Variants in DNAH12 observed in about 807,000 individuals in gnomAD.
The protein encoded by DNAH12 is dynein axonemal heavy chain 12, also known as axonemal beta dynein heavy chain 12.
DNAH12 carries 285 observed loss-of-function variants against 371.5 expected under a neutral mutation model. The observed-to-expected ratio is 0.77, with a 90% CI of 0.70 to 0.85. The LOEUF is 0.85. DNAH12 is among the 40% of genes least tolerant of loss of function. The pLI is 0.00. For synonymous variants in DNAH12, 1,200 were observed against 1,213.0 expected (o/e 0.99, Z 0.22); for missense variants, 3,611 against 3,689.4 (o/e 0.98, Z 0.55).
In DNAH12 at chr3:57,542,832, C is replaced by T; in HGVS notation, c.39G>A (p.Lys13=). Reference sequence around the variant, plus strand: ...GGGGTAACTTCAAGTTCAGAGCTTCCTTTTCTGCTGCAATGGCAGCTTTGT... The same window carrying T: ...GGGGTAACTTCAAGTTCAGAGCTTCTTTTTCTGCTGCAATGGCAGCTTTGT... ...DANKAAIAAE[K]EALNLKLPPI... Residue 13 remains lysine (K), a synonymous_variant, in exon 2 of 74, where the codon AAG becomes AAA. Coordinates refer to ENST00000495027, the MANE Select transcript of DNAH12 (RefSeq NM_001366028.2). 6.2e-7 allele frequency: 1 copy of T among 1,602,508 alleles called. No homozygotes were observed. Among genetic ancestry groups the T allele is most frequent in the East Asian group, 2.2e-5 (1 of 44,762 alleles).
At chr3:57,385,144 C>A (rs1046052396) in intron 48 of DNAH12, 139 bp from the exon 49 acceptor site, 1 of 150,120 alleles carries the variant, frequency 6.7e-6, no homozygotes, top group Non-Finnish European at 1.5e-5. Flanking sequence ...TGAGGATATA[C>A]AAATACATGT....
rs1009637910 is a variant in DNAH12, at chr3:57,445,078, A to C, written c.4425+96T>G. 34 of 1,347,380 alleles carry C rather than the reference A, an allele frequency of 2.5e-5. No homozygotes were observed. In the African/African-American group the frequency reaches 4.6e-4, roughly 18 times the overall value. 83.5% of individuals were successfully genotyped at this position (1,347,380 alleles called of 1,614,324 possible). On this transcript the variant is annotated intron_variant, in intron 28 of 73. Transcript: ENST00000495027. ...ACCTCTTATGAAAAGACAAAGCTCA[A>C]CCCTCTCAAGTGCCTATTTGTAGTT...
chr3:57,314,630 G>C lies in DNAH12; in HGVS notation c.10526C>G (p.Ala3509Gly). 3 of 1,535,996 alleles carry C rather than the reference G, an allele frequency of 2.0e-6. No homozygotes were observed. Among genetic ancestry groups the C allele is most frequent in the Non-Finnish European group, 2.6e-6 (3 of 1,143,616 alleles). Residue 3509 changes from alanine (A) to glycine (G), a missense_variant and splice_region_variant, in exon 66 of 74, where the codon GCC (alanine) becomes GGC (glycine). Ala to Gly is a moderately conservative substitution (Grantham distance 60). Coordinates refer to ENST00000495027, the MANE Select transcript of DNAH12 (RefSeq NM_001366028.2). Reference protein sequence around the residue: ...FFKGCRGKELAWEKLLFGVCF... With the variant: ...FFKGCRGKELGWEKLLFGVCF... ...AACTCCAAACAGTAACTTCTCCCAG[G>C]CCTTTAATATAAAAAGTACATAACA... is the stretch of plus-strand genomic sequence containing the variant.
At chr3:57,472,416 C>T in intron 14 of DNAH12, 130 bp downstream of exon 14, 1 of 1,158,022 alleles carries the variant, frequency 8.6e-7, no homozygotes, top group Non-Finnish European at 1.2e-6. Context: ...ATAAGTGTGG[C>T]CAGTCTCAAA....
chr3:57,384,267 C>G (rs1170459257), intron 49 of DNAH12, among the ~76,000 whole-genome samples: 1 of 152,134 alleles, frequency 6.6e-6, no homozygotes, highest in Non-Finnish European at 1.5e-5. Flanking sequence ...ATGTACAGAA[C>G]CACTTTGGCC....
chr3:57,513,223 T>C (rs529165322), intron 4 of DNAH12, among the ~76,000 whole-genome samples: 4 of 151,488 alleles, frequency 2.6e-5, no homozygotes, highest in South Asian at 4.2e-4. Flanking sequence ...TGCAGGGACA[T>C]AGATGAAGCT....
At chr3:57,370,610 G>A (rs993541480) in intron 55 of DNAH12, among the ~76,000 whole-genome samples, 18 of 152,154 alleles carry the variant, frequency 1.2e-4, no homozygotes, top group African/African-American at 4.3e-4. Flanking sequence ...AGCATGACTG[G>A]CTAAAAATCC....
intron 43 of DNAH12, among the ~76,000 whole-genome samples, 193 bp downstream of exon 43, chr3:57,403,116 T>C (rs977021605): frequency 2.0e-5 from 3 of 152,124 alleles, no homozygotes; most frequent in African/African-American, 2.4e-5. Context: ...TGAGATCATG[T>C]AGGTAAAAGC....
chr3:57,468,214 C>A (rs993024353), intron 17 of DNAH12, among the ~76,000 whole-genome samples: 2 of 152,090 alleles, frequency 1.3e-5, no homozygotes, highest in Non-Finnish European at 2.9e-5. Context: ...GACAGAGACC[C>A]AATTCATTAG....
At chr3:57,508,619 A>G in intron 6 of DNAH12, 79 bp from the exon 7 acceptor site, 1 of 1,484,062 alleles carries the variant, frequency 6.7e-7, no homozygotes, top group Non-Finnish European at 9.0e-7. Flanking sequence ...TATAACATGA[A>G]ATTAGTATTG....
intron 24 of DNAH12, 42 bp from the exon 25 acceptor site, chr3:57,453,057 G>A (rs748716662): frequency 3.0e-5 from 45 of 1,494,396 alleles, no homozygotes; most frequent in South Asian, 6.8e-5. Context: ...ATCCTTAAAT[G>A]GAAATAATTT....
chr3:57,341,533 T>C (rs1408455727), intron 60 of DNAH12, among the ~76,000 whole-genome samples: 1 of 151,964 alleles, frequency 6.6e-6, no homozygotes, highest in Non-Finnish European at 1.5e-5. Context: ...GGAATAAATT[T>C]AACCAAGGAG....
At chr3:57,334,673 C>G (rs2062182526) in intron 61 of DNAH12, 64 bp from the exon 62 acceptor site, 2 of 1,510,628 alleles carry the variant, frequency 1.3e-6, no homozygotes, top group African/African-American at 1.4e-5. Flanking sequence ...GATTGTTGAA[C>G]AAGGAGTAGA....
At chr3:57,432,168 C>CTT (rs61049709) in intron 32 of DNAH12, among the ~76,000 whole-genome samples, 62,521 of 131,044 alleles carry the variant, frequency 0.48, 15,544 homozygotes, top group South Asian at 0.57. Context: ...TTCAGTATAT[C>CTT]TTTTTTTTTT....
chr3:57,348,743 T>C (rs2062603757), intron 60 of DNAH12, among the ~76,000 whole-genome samples: 1 of 152,236 alleles, frequency 6.6e-6, no homozygotes, highest in African/African-American at 2.4e-5. Context: ...AGTGACATAC[T>C]ATGTTCTTAG....
At chr3:57,487,621 C>T (rs1256127998) in intron 12 of DNAH12, among the ~76,000 whole-genome samples, 1 of 152,062 alleles carries the variant, frequency 6.6e-6, no homozygotes, top group East Asian at 1.9e-4. Flanking sequence ...AATTGCTCTT[C>T]AGTGACCTTG....
chr3:57,516,092 C>A (rs2068184851), intron 4 of DNAH12, among the ~76,000 whole-genome samples: 2 of 108,536 alleles, frequency 1.8e-5, no homozygotes, highest in South Asian at 6.7e-4. Flanking sequence ...CAGATGGAGT[C>A]TCCCTCCGTC....
At chr3:57,495,982 T>TA (rs1559720493) in intron 11 of DNAH12, among the ~76,000 whole-genome samples, 1 of 142,542 alleles carries the variant, frequency 7.0e-6, no homozygotes, top group Non-Finnish European at 1.5e-5. Context: ...ATCCCTGATT[T>TA]TATATATATT....
chr3:57,340,790 T>G (rs1388374843), intron 60 of DNAH12, among the ~76,000 whole-genome samples: 3 of 152,194 alleles, frequency 2.0e-5, no homozygotes, highest in Non-Finnish European at 4.4e-5. Flanking sequence ...GAGGGAATTC[T>G]TCCAAACCCA....
Sources: gnomAD v4.1 joint callset for allele counts (sites outside exome capture counted in the v4.1 genomes callset) on GRCh38, gnomAD v4.1.1 for gene constraint, MANE v1.5 for transcripts, NCBI Gene and HGNC (gene_info 2026-07-23, HGNC 2026-07-21) for gene names.